The following AFAP1L1 variants were observed in gnomAD, a reference collection of about 807,000 sequenced individuals.
AFAP1L1 encodes actin filament associated protein 1 like 1, also known as actin filament-associated protein 1-like 1.
Under a neutral mutation model 99.8 loss-of-function variants are expected in AFAP1L1, and 77 were observed. That is an observed-to-expected ratio of 0.77 (90% confidence interval 0.64 to 0.93). The LOEUF (loss-of-function observed/expected upper bound fraction) is 0.93. AFAP1L1 is among the 40% of genes least tolerant of loss of function. The pLI, the probability that AFAP1L1 is intolerant of heterozygous loss-of-function variation, is 0.00. For missense variants in AFAP1L1, 893 were observed against 996.8 expected (o/e 0.90, Z 1.40); for synonymous variants, 373 against 395.3 (o/e 0.94, Z 0.67).
intron 1 of AFAP1L1, among the ~76,000 whole-genome samples, chr5:149,274,281 A>G (rs1561655827): frequency 1.3e-5 from 2 of 152,242 alleles, no homozygotes; most frequent in Non-Finnish European, 2.9e-5. Context: ...TTAGTAAAAT[A>G]CAACACACTT....
chr5:149,334,571 T>A (rs1412689186), intron 17 of AFAP1L1, among the ~76,000 whole-genome samples: 1 of 152,086 alleles, frequency 6.6e-6, no homozygotes, highest in Admixed American at 6.6e-5. Flanking sequence ...ATGTAAGGGG[T>A]AAAGTTAATT....
rs139252846 is a variant in AFAP1L1, at chr5:149,299,574, G to A, written c.82G>A (p.Asp28Asn). 153 of 1,613,980 alleles carry A rather than the reference G, an allele frequency of 9.5e-5. No individual in the cohort carries two copies. The highest frequency in any genetic ancestry group is 1.1e-4 in the South Asian group (10 of 91,090). Residue 28 changes from aspartate to asparagine, a missense_variant, in exon 2 of 19, where the codon GAT becomes AAT. Asp to Asn is a conservative substitution (Grantham distance 23). Coordinates refer to ENST00000296721, the MANE Select transcript of AFAP1L1 (RefSeq NM_152406.4). ...LSLLDHEYLS[D>N]TTLEKKMAVA... ...CCTCCTGGACCACGAGTACCTCAGCGATACCACCCTGGAAAAGAAGATGGC... is the reference window on the plus strand; with the variant it reads ...CCTCCTGGACCACGAGTACCTCAGCAATACCACCCTGGAAAAGAAGATGGC...
chr5:149,298,789 A>T (rs1756094194), intron 1 of AFAP1L1, among the ~76,000 whole-genome samples: 2 of 152,220 alleles, frequency 1.3e-5, no homozygotes, highest in African/African-American at 4.8e-5. Context: ...TGCAACTCAG[A>T]TGGTCCAGGA....
At chr5:149,300,163 C>A in intron 2 of AFAP1L1, 108 bp from the exon 3 acceptor site, 1 of 703,116 alleles carries the variant, frequency 1.4e-6, no homozygotes, top group South Asian at 2.2e-5. Context: ...CTTGAATGCG[C>A]TTTGCAAAGT....
chr5:149,280,208 G>A lies in AFAP1L1; in HGVS notation c.16+8224G>A, dbSNP rs11954356. 3.4e-3 allele frequency among the ~76,000 whole-genome samples: 518 copies of A among 152,220 alleles called. 3 individuals are homozygous for A. The highest frequency in any genetic ancestry group is 0.012 in the African/African-American group (502 of 41,530). On this transcript the variant is annotated intron_variant, in intron 1 of 18. Transcript: ENST00000296721. ...TTCATCATTATCCATCATTTCCTTT[G>A]CCTTCATCCTTTATACAGTCAAATC... is the stretch of plus-strand genomic sequence containing the variant.
chr5:149,324,038 T>C (rs1300275047), intron 15 of AFAP1L1, among the ~76,000 whole-genome samples: 2 of 152,242 alleles, frequency 1.3e-5, no homozygotes, highest in African/African-American at 4.8e-5. Context: ...TGGCCTCCAC[T>C]TTTCCTGTTA....
chr5:149,300,193 G>T, intron 2 of AFAP1L1, 78 bp from the exon 3 acceptor site: 1 of 993,476 alleles, frequency 1.0e-6, no homozygotes, highest in Non-Finnish European at 1.5e-6. Flanking sequence ...GTCCCATGTG[G>T]GCTAGAAGTA....
At chr5:149,281,479 C>T (rs569881612) in intron 1 of AFAP1L1, among the ~76,000 whole-genome samples, 1 of 152,322 alleles carries the variant, frequency 6.6e-6, no homozygotes, top group African/African-American at 2.4e-5. Flanking sequence ...GAAGTTTTCA[C>T]CACACTTGTT....
At chr5:149,319,987 G>A (rs1756906103) in intron 13 of AFAP1L1, among the ~76,000 whole-genome samples, 1 of 152,224 alleles carries the variant, frequency 6.6e-6, no homozygotes, top group Non-Finnish European at 1.5e-5. Context: ...CCTGGGCTCT[G>A]CCCTCATGTC....
intron 1 of AFAP1L1, among the ~76,000 whole-genome samples, chr5:149,287,155 A>G (rs1755708235): frequency 6.6e-6 from 1 of 152,268 alleles, no homozygotes; most frequent in African/African-American, 2.4e-5. Context: ...GATGACAAGC[A>G]GCAATATGGA....
chr5:149,292,328 T>C (rs140247733), intron 1 of AFAP1L1, among the ~76,000 whole-genome samples: 1 of 152,372 alleles, frequency 6.6e-6, no homozygotes, highest in Admixed American at 6.5e-5. Flanking sequence ...TACCTCTTGC[T>C]TTTCACTCAG....
Position 149,307,538 on chromosome 5 carries a change from T to G in AFAP1L1, c.672T>G (p.Cys224Trp). Reference protein sequence around the residue: ...SMHLVRECRICAFLLRKKRFG... With the variant: ...SMHLVRECRIWAFLLRKKRFG... ...ACCTGGTGAGGGAATGCAGGATATG[T>G]GCCTTCCTGCTGCGGAAAAAGCGTT... The change falls in exon 7 of 19, where the codon TGT becomes TGG. Residue 224 changes from cysteine (C) to tryptophan (W), a missense_variant. Cys to Trp is a radical substitution (Grantham distance 215). Transcript: ENST00000296721. 3 of 1,614,088 alleles carry G rather than the reference T, an allele frequency of 1.9e-6. No homozygotes were observed. The highest frequency in any genetic ancestry group is 2.5e-6 in the Non-Finnish European group (3 of 1,180,028).
intron 15 of AFAP1L1, among the ~76,000 whole-genome samples, chr5:149,324,949 TATCCTA>T (rs1757054128): frequency 6.6e-6 from 1 of 152,172 alleles, no homozygotes; most frequent in South Asian, 2.1e-4. Flanking sequence ...CATTCTCCAA[TATCCTA>T]ATGGTTACAC....
At chr5:149,314,109 G>T (rs1756723334) in intron 9 of AFAP1L1, among the ~76,000 whole-genome samples, 1 of 152,210 alleles carries the variant, frequency 6.6e-6, no homozygotes, top group African/African-American at 2.4e-5. Context: ...GCAGAGGTGG[G>T]CCAAGGGGAG....
chr5:149,326,545 T>TAAA (rs59762007), intron 15 of AFAP1L1, among the ~76,000 whole-genome samples: 1 of 129,660 alleles, frequency 7.7e-6, no homozygotes, highest in Non-Finnish European at 1.6e-5. Context: ...TCGCCAAAAA[T>TAAA]AAAAAAAAAA....
chr5:149,294,884 A>C (rs1755970013), intron 1 of AFAP1L1, among the ~76,000 whole-genome samples: 1 of 152,196 alleles, frequency 6.6e-6, no homozygotes, highest in South Asian at 2.1e-4. Flanking sequence ...CTGATGGAGC[A>C]TTCAGATGTG....
intron 1 of AFAP1L1, among the ~76,000 whole-genome samples, chr5:149,284,353 A>G (rs564731986): frequency 7.2e-5 from 11 of 152,052 alleles, no homozygotes; most frequent in Non-Finnish European, 1.6e-4. Flanking sequence ...TCCTGGCTCT[A>G]CTCCTTTTGT....
intron 1 of AFAP1L1, among the ~76,000 whole-genome samples, chr5:149,275,041 C>G (rs1041611271): frequency 2.0e-5 from 3 of 152,190 alleles, no homozygotes; most frequent in African/African-American, 7.2e-5. Flanking sequence ...TCATGCCCAG[C>G]TGACTAGGGA....
chr5:149,283,061 T>TC (rs139697491), intron 1 of AFAP1L1, among the ~76,000 whole-genome samples: 8,992 of 152,268 alleles, frequency 0.059, 299 homozygotes, highest in Middle Eastern at 0.085. Context: ...CCCATAGGCT[T>TC]CATCAGAAGA....
Sources: allele counts gnomAD v4.1 joint callset (sites outside exome capture counted in the v4.1 genomes callset), GRCh38; gene constraint gnomAD v4.1.1; transcripts MANE v1.5; gene names NCBI Gene and HGNC (gene_info 2026-07-23, HGNC 2026-07-21).